Variants in EBF1 observed in about 807,000 individuals in gnomAD.
EBF1 encodes EBF transcription factor 1.
In EBF1, 10 loss-of-function variants were observed where a neutral mutation model predicts 68.4. The observed-to-expected ratio is 0.15, with a 90% CI of 0.09 to 0.25. EBF1 has a LOEUF of 0.25. Among genes scored for constraint, EBF1 ranks in the 10% least tolerant of loss-of-function variants. EBF1 has a pLI of 1.00. For synonymous variants in EBF1, 298 were observed against 299.8 expected, an observed-to-expected ratio of 0.99 and a Z score of 0.06; for missense variants, 509 against 794.4, an observed-to-expected ratio of 0.64 and a Z score of 4.32.
chr5:159,080,557 T>G (rs1405600176), intron 5 of EBF1, among the ~76,000 whole-genome samples: 1 of 152,224 alleles, frequency 6.6e-6, no homozygotes, highest in Non-Finnish European at 1.5e-5. Context: ...AAAGTTCTTT[T>G]ATCCTCATTC....
chr5:158,928,175 C>T (rs1240241813), intron 6 of EBF1, among the ~76,000 whole-genome samples: 3 of 152,164 alleles, frequency 2.0e-5, no homozygotes, highest in Non-Finnish European at 4.4e-5. Flanking sequence ...CTAGCCTGAT[C>T]TCTCTTTGAC....
chr5:158,932,713 A>G (rs923602963), intron 6 of EBF1, among the ~76,000 whole-genome samples: 1 of 152,212 alleles, frequency 6.6e-6, no homozygotes, highest in Non-Finnish European at 1.5e-5. Context: ...CTTCATAACT[A>G]TTTAGCCACA....
chr5:158,895,631 C>G (rs1802025891), intron 6 of EBF1, among the ~76,000 whole-genome samples: 1 of 152,100 alleles, frequency 6.6e-6, no homozygotes, highest in African/African-American at 2.4e-5. Flanking sequence ...ACTGGGACAC[C>G]ATCAATAAAC....
intron 6 of EBF1, among the ~76,000 whole-genome samples, chr5:158,888,290 G>A (rs1320041320): frequency 6.6e-6 from 1 of 151,938 alleles, no homozygotes; most frequent in Non-Finnish European, 1.5e-5. Flanking sequence ...GTGTGTGTTT[G>A]TTGTGTGTAT....
At chr5:158,878,184 A>G (rs996908756) in intron 6 of EBF1, among the ~76,000 whole-genome samples, 1 of 152,096 alleles carries the variant, frequency 6.6e-6, no homozygotes, top group Non-Finnish European at 1.5e-5. Flanking sequence ...ACGAACAGCA[A>G]TGAGAATATT....
At chr5:158,849,731 G>A (rs916117555) in intron 6 of EBF1, among the ~76,000 whole-genome samples, 1 of 152,206 alleles carries the variant, frequency 6.6e-6, no homozygotes, top group African/African-American at 2.4e-5. Flanking sequence ...ATAGCACAAA[G>A]ATTATTTCTT....
chr5:158,967,889 T>C (rs1244344697), intron 6 of EBF1, among the ~76,000 whole-genome samples: 1 of 152,204 alleles, frequency 6.6e-6, no homozygotes, highest in Non-Finnish European at 1.5e-5. Flanking sequence ...TTCAAAAAGT[T>C]GTGAATGAAT....
intron 6 of EBF1, among the ~76,000 whole-genome samples, chr5:158,856,289 CA>C (rs1320665959): frequency 1.3e-5 from 2 of 152,170 alleles, no homozygotes; most frequent in Non-Finnish European, 2.9e-5. Context: ...AGTCTACTTC[CA>C]AAACCATTCC....
In EBF1 at chr5:158,774,524, G is replaced by T. The variant is rs530355004; in HGVS notation, c.1036+2889C>A. Among the ~76,000 whole-genome samples, 6 of 152,088 alleles carry T rather than the reference G, an allele frequency of 3.9e-5. No individual in the cohort carries two copies. In the South Asian group the frequency reaches 1.2e-3, roughly 32 times the overall value. ...TGATATTTCACTAACAAATAAGAGG[G>T]TTAGCTCACCCAATCCAGAAAACCA... On this transcript the variant is annotated intron_variant, in intron 10 of 15. Coordinates refer to ENST00000313708, the MANE Select transcript of EBF1 (RefSeq NM_024007.5).
intron 4 of EBF1, among the ~76,000 whole-genome samples, chr5:159,085,909 A>G (rs1780561453): frequency 6.6e-6 from 1 of 152,146 alleles, no homozygotes; most frequent in Non-Finnish European, 1.5e-5. Flanking sequence ...CCCAGTGTGT[A>G]TAGATCCTCA....
chr5:158,710,628 G>A (rs926060975), intron 14 of EBF1, among the ~76,000 whole-genome samples: 3 of 152,210 alleles, frequency 2.0e-5, no homozygotes, highest in African/African-American at 7.2e-5. Context: ...AAGATGAAAT[G>A]TGTAATTTTG....
chr5:158,706,132 T>A (rs938392428), intron 15 of EBF1, among the ~76,000 whole-genome samples: 6 of 151,656 alleles, frequency 4.0e-5, no homozygotes, highest in African/African-American at 1.5e-4. Context: ...CTCTACTTTG[T>A]GGAGGTGGGC....
intron 6 of EBF1, among the ~76,000 whole-genome samples, chr5:158,909,307 G>GT (rs915910027): frequency 9.9e-5 from 15 of 152,048 alleles, no homozygotes; most frequent in Admixed American, 2.6e-4. Flanking sequence ...TTTGGTGGGG[G>GT]TTTTTTGGAG....
intron 10 of EBF1, among the ~76,000 whole-genome samples, chr5:158,755,272 T>C (rs1179022483): frequency 6.6e-6 from 1 of 152,108 alleles, no homozygotes; most frequent in Non-Finnish European, 1.5e-5. Context: ...TAAAGTAATC[T>C]TTCCTACCCT....
chr5:158,744,471 T>C (rs1179474188), intron 10 of EBF1, among the ~76,000 whole-genome samples: 1 of 152,204 alleles, frequency 6.6e-6, no homozygotes, highest in Non-Finnish European at 1.5e-5. Flanking sequence ...GTTGTAAATG[T>C]AAGCAAATTT....
At chr5:159,096,717 C>T (rs1206938783) in intron 2 of EBF1, 3 of 612,370 alleles carry the variant, frequency 4.9e-6, no homozygotes, top group African/African-American at 3.7e-5. Context: ...GGGTTCATTC[C>T]GGGTGCCCAT....
In EBF1 at chr5:158,866,298, T is replaced by G. The variant is rs148963441; in HGVS notation, c.555-26188A>C. 9.8e-4 allele frequency among the ~76,000 whole-genome samples: 149 copies of G among 152,270 alleles called. 1 individual carries two copies. The highest frequency in any genetic ancestry group is 3.4e-3 in the African/African-American group (142 of 41,544). On this transcript the variant is annotated intron_variant, in intron 6 of 15. Transcript: ENST00000313708. ...TCCCCATTTCCATGGTTTGTAACCCTAACTCATCTGAACTGAGAGATCCTT... is the reference window on the plus strand; with the variant it reads ...TCCCCATTTCCATGGTTTGTAACCCGAACTCATCTGAACTGAGAGATCCTT...
chr5:158,736,203 T>C (rs1369680885), intron 10 of EBF1, among the ~76,000 whole-genome samples: 1 of 152,240 alleles, frequency 6.6e-6, no homozygotes, highest in Non-Finnish European at 1.5e-5. Context: ...GCATTCTCAG[T>C]TATGAAAAAT....
In EBF1 at chr5:158,712,345, G is replaced by A. The variant is rs779316113; in HGVS notation, c.1370-12C>T. ...GTTGCGGGTGAAACCTGAGGGGCGG[G>A]GGCAAAACCGGAGGTGAGGGTGGCA... On this transcript the variant is annotated splice_polypyrimidine_tract_variant and intron_variant, in intron 13 of 15. Transcript: ENST00000313708. 2.2e-5 allele frequency: 36 copies of A among 1,612,410 alleles called. No homozygotes were observed. The highest frequency in any genetic ancestry group is 2.7e-5 in the Non-Finnish European group (32 of 1,179,050).
Sources: allele counts gnomAD v4.1 joint callset (sites outside exome capture counted in the v4.1 genomes callset), GRCh38; gene constraint gnomAD v4.1.1; transcripts MANE v1.5; gene names NCBI Gene and HGNC (gene_info 2026-07-23, HGNC 2026-07-21).